The following ACOXL variants were observed in gnomAD, a reference collection of about 807,000 sequenced individuals.
The protein encoded by ACOXL is acyl-coenzyme A oxidase-like protein.
In ACOXL, 70 loss-of-function variants were observed where a neutral mutation model predicts 71.9. The observed-to-expected ratio is 0.97, with a 90% CI of 0.80 to 1.19. The LOEUF is 1.19. Among genes scored for constraint, ACOXL ranks in the 50% most tolerant of loss-of-function variants. The pLI, the probability that ACOXL is intolerant of heterozygous loss-of-function variation, is 0.00. For missense variants in ACOXL, 703 were observed against 736.3 expected, an observed-to-expected ratio of 0.95 and a Z score of 0.52; for synonymous variants, 253 against 281.6, an observed-to-expected ratio of 0.90 and a Z score of 1.02.
intron 17 of ACOXL, 78 bp from the exon 18 acceptor site, chr2:111,117,538 G>A (rs1574814028): frequency 1.4e-6 from 2 of 1,454,752 alleles, no homozygotes; most frequent in East Asian, 2.5e-5. Context: ...CGGGTGCTTG[G>A]TGGGCTGAAA....
chr2:110,898,170 A>G (rs530690917), intron 10 of ACOXL, among the ~76,000 whole-genome samples: 14 of 100,248 alleles, frequency 1.4e-4, no homozygotes, highest in Non-Finnish European at 2.7e-4. Context: ...CAGAAGAATT[A>G]TTAATAGCAA....
At chr2:110,843,662 T>G (rs530072788) in intron 10 of ACOXL, among the ~76,000 whole-genome samples, 1 of 152,338 alleles carries the variant, frequency 6.6e-6, no homozygotes, top group East Asian at 1.9e-4. Context: ...CTGTTGTACA[T>G]GAGCTTGCCT....
At chr2:111,090,869 G>T (rs1418451526) in intron 16 of ACOXL, among the ~76,000 whole-genome samples, 1 of 152,170 alleles carries the variant, frequency 6.6e-6, no homozygotes, top group Non-Finnish European at 1.5e-5. Context: ...ACCCTGTGTG[G>T]ATCTAGGAAG....
chr2:110,834,038 A>C (rs1255101855), intron 9 of ACOXL, among the ~76,000 whole-genome samples: 1 of 152,112 alleles, frequency 6.6e-6, no homozygotes, highest in Non-Finnish European at 1.5e-5. Flanking sequence ...AATGTCCCCA[A>C]ATCCACCTTG....
intron 5 of ACOXL, among the ~76,000 whole-genome samples, chr2:110,797,418 T>C (rs1486018789): frequency 2.0e-5 from 3 of 152,192 alleles, no homozygotes; most frequent in African/African-American, 7.2e-5. Context: ...TTTGGGAAAC[T>C]TTATTATATG....
chr2:111,009,101 C>T (rs759082893), intron 14 of ACOXL, among the ~76,000 whole-genome samples: 18 of 152,076 alleles, frequency 1.2e-4, no homozygotes, highest in Non-Finnish European at 2.4e-4. Context: ...TAGTCAAATG[C>T]AGTAATCTAT....
At chr2:111,103,661 C>T (rs1465254114) in intron 17 of ACOXL, among the ~76,000 whole-genome samples, 1 of 152,044 alleles carries the variant, frequency 6.6e-6, no homozygotes, top group Non-Finnish European at 1.5e-5. Flanking sequence ...CTGCTATATA[C>T]CTATTATGCT....
chr2:110,858,036 G>T (rs1344875080), intron 10 of ACOXL, among the ~76,000 whole-genome samples: 1 of 152,128 alleles, frequency 6.6e-6, no homozygotes, highest in African/African-American at 2.4e-5. Flanking sequence ...GCTGGCTAGG[G>T]TACCTTAAAG....
intron 9 of ACOXL, among the ~76,000 whole-genome samples, chr2:110,820,267 G>C (rs763613988): frequency 6.6e-6 from 1 of 152,144 alleles, no homozygotes; most frequent in Non-Finnish European, 1.5e-5. Context: ...TCTGAGCCCA[G>C]ATGGGAAAGA....
chr2:110,828,013 C>G (rs1010225282), intron 9 of ACOXL, among the ~76,000 whole-genome samples: 5 of 152,188 alleles, frequency 3.3e-5, no homozygotes, highest in African/African-American at 4.8e-5. Context: ...CTCTGTCGCC[C>G]AGGCTGGAGT....
At chr2:110,769,256 A>C (rs1681548765) in intron 2 of ACOXL, among the ~76,000 whole-genome samples, 1 of 152,052 alleles carries the variant, frequency 6.6e-6, no homozygotes, top group Non-Finnish European at 1.5e-5. Flanking sequence ...GAAAGAAAGA[A>C]AGAAAGAAAA....
chr2:110,917,687 A>G (rs2059916870), intron 11 of ACOXL, among the ~76,000 whole-genome samples: 1 of 152,270 alleles, frequency 6.6e-6, no homozygotes, highest in African/African-American at 2.4e-5. Context: ...CCTTAAGCGT[A>G]TAAGCAACTT....
chr2:110,879,824 A>G (rs980679617), intron 10 of ACOXL, among the ~76,000 whole-genome samples: 4 of 152,072 alleles, frequency 2.6e-5, no homozygotes, highest in Admixed American at 2.6e-4. Flanking sequence ...ATAATTTCCA[A>G]ATGAATAGAG....
intron 16 of ACOXL, among the ~76,000 whole-genome samples, chr2:111,067,501 T>C (rs2067130566): frequency 6.6e-6 from 1 of 152,084 alleles, no homozygotes; most frequent in Admixed American, 6.5e-5. Flanking sequence ...GGGCAGATAA[T>C]GAACTAGAGA....
chr2:111,040,613 G>A (rs563112843), intron 15 of ACOXL, among the ~76,000 whole-genome samples: 5 of 152,336 alleles, frequency 3.3e-5, no homozygotes, highest in Admixed American at 1.3e-4. Flanking sequence ...GAGAGAACAC[G>A]GAAGAGACAC....
intron 11 of ACOXL, among the ~76,000 whole-genome samples, chr2:110,925,256 T>C (rs2060226949): frequency 2.0e-5 from 3 of 152,252 alleles, no homozygotes; most frequent in Admixed American, 6.5e-5. Context: ...TTAAAGCCAC[T>C]AGCTGCATTA....
At chr2:110,794,343 C>T (rs556249331) in intron 5 of ACOXL, among the ~76,000 whole-genome samples, 169 bp downstream of exon 5, 2 of 152,346 alleles carry the variant, frequency 1.3e-5, no homozygotes, top group East Asian at 1.9e-4. Flanking sequence ...GATATGTGCT[C>T]AGCCTTCGTG....
intron 10 of ACOXL, among the ~76,000 whole-genome samples, chr2:110,875,745 T>C (rs1036905642): frequency 2.6e-5 from 4 of 152,214 alleles, no homozygotes; most frequent in Non-Finnish European, 5.9e-5. Flanking sequence ...GAAGGCCGCC[T>C]GACCTCTGTG....
intron 12 of ACOXL, among the ~76,000 whole-genome samples, chr2:110,955,901 C>T (rs536175503): frequency 6.6e-6 from 1 of 151,944 alleles, no homozygotes; most frequent in Non-Finnish European, 1.5e-5. Flanking sequence ...ACCTCCCTGC[C>T]CCCATCTTTT....
Sources: gnomAD v4.1 joint callset for allele counts (sites outside exome capture counted in the v4.1 genomes callset) on GRCh38, gnomAD v4.1.1 for gene constraint, MANE v1.5 for transcripts, NCBI Gene and HGNC (gene_info 2026-07-23, HGNC 2026-07-21) for gene names.